C3orf70: variants seen among roughly 807,000 people sequenced by gnomAD.
C3orf70 encodes the protein UPF0524 protein C3orf70.
In C3orf70, 15 loss-of-function variants were observed where a neutral mutation model predicts 20.7. The observed-to-expected ratio is 0.72, with a 90% CI of 0.48 to 1.11. C3orf70 has a LOEUF of 1.11. Among genes scored for constraint, C3orf70 ranks in the 50% most tolerant of loss-of-function variants. C3orf70 has a pLI of 0.00. For synonymous variants in C3orf70, 161 were observed against 125.7 expected (o/e 1.28, Z -1.88); for missense variants, 332 against 317.6 (o/e 1.05, Z -0.34).
In C3orf70 at chr3:185,076,913, C is replaced by T. The variant is rs1364800511; in HGVS notation, c.*6094G>A. Among the ~76,000 whole-genome samples, 3 of 152,144 alleles carry T rather than the reference C, an allele frequency of 2.0e-5. No homozygotes were observed. The highest frequency in any genetic ancestry group is 4.4e-5 in the Non-Finnish European group (3 of 68,034). On this transcript the variant is annotated 3_prime_UTR_variant, in exon 2 of 2. Transcript: ENST00000335012. ...ATTTGTAAGAGGCTACAATGAGATG[C>T]CTTCTAGGACTTGGCAATACAATTA...
At chr3:185,110,981 CTG>C (rs1170810747) in intron 1 of C3orf70, among the ~76,000 whole-genome samples, 1 of 152,164 alleles carries the variant, frequency 6.6e-6, no homozygotes, top group East Asian at 1.9e-4. Context: ...CTCTATATTT[CTG>C]TGTGTGTGTC....
Position 185,078,596 on chromosome 3 carries a change from TCCTCCTCA to T in C3orf70, c.*4403_*4410del, listed in dbSNP as rs1291189022. Reference sequence around the variant, plus strand: ...TCCCACTGGCTTCCCCCTTCTTCCCTCCTCCTCAGTGGGAGAGGACAAAATCGTACTAC... The same window carrying T: ...TCCCACTGGCTTCCCCCTTCTTCCCTGTGGGAGAGGACAAAATCGTACTAC... On this transcript the variant is annotated 3_prime_UTR_variant, in exon 2 of 2. Transcript: ENST00000335012. 4 of 152,192 alleles carry T rather than the reference TCCTCCTCA, an allele frequency of 2.6e-5. No homozygotes were observed. Among genetic ancestry groups the T allele is most frequent in the Non-Finnish European group, 5.9e-5 (4 of 68,030 alleles). 9.4% of individuals were successfully genotyped at this position (152,192 alleles called of 1,614,324 possible).
intron 1 of C3orf70, among the ~76,000 whole-genome samples, chr3:185,111,405 A>G (rs1334316498): frequency 1.3e-5 from 2 of 152,246 alleles, no homozygotes; most frequent in African/African-American, 4.8e-5. Context: ...AAGACAATCT[A>G]ATTTTAAAAT....
chr3:185,111,176 T>C (rs554497637), intron 1 of C3orf70, among the ~76,000 whole-genome samples: 1 of 152,294 alleles, frequency 6.6e-6, no homozygotes, highest in South Asian at 2.1e-4. Context: ...TAGGAATAAA[T>C]CTTTATGATC....
At chr3:185,097,168 T>C (rs1210810526) in intron 1 of C3orf70, among the ~76,000 whole-genome samples, 1 of 152,208 alleles carries the variant, frequency 6.6e-6, no homozygotes, top group East Asian at 1.9e-4. Context: ...ACAGTAGTAA[T>C]TTTGATTGTC....
At chr3:185,137,883 G>T (rs1010142404) in intron 1 of C3orf70, among the ~76,000 whole-genome samples, 1 of 152,054 alleles carries the variant, frequency 6.6e-6, no homozygotes, top group Non-Finnish European at 1.5e-5. Context: ...AAAGAAGAGC[G>T]TAATAAAGAT....
intron 1 of C3orf70, among the ~76,000 whole-genome samples, chr3:185,110,572 A>G (rs1002292834): frequency 2.6e-5 from 4 of 151,692 alleles, no homozygotes; most frequent in African/African-American, 9.8e-5. Flanking sequence ...CTGGCCATAA[A>G]CTGGCCCCAA....
intron 1 of C3orf70, among the ~76,000 whole-genome samples, chr3:185,085,732 T>C (rs1715445634): frequency 6.6e-6 from 1 of 152,218 alleles, no homozygotes; most frequent in African/African-American, 2.4e-5. Context: ...TGGTAGGACC[T>C]CTGCCCCTAA....
intron 1 of C3orf70, among the ~76,000 whole-genome samples, chr3:185,122,770 A>G (rs1716329117): frequency 6.6e-6 from 1 of 152,056 alleles, no homozygotes; most frequent in African/African-American, 2.4e-5. Flanking sequence ...GCATCATCCA[A>G]CTGGCTGAGG....
chr3:185,147,943 A>G (rs1441942779), intron 1 of C3orf70, among the ~76,000 whole-genome samples: 2 of 152,190 alleles, frequency 1.3e-5, no homozygotes, highest in East Asian at 3.8e-4. Context: ...TTTCATCTTC[A>G]TACTCTTTCT....
At chr3:185,101,340 A>G (rs1715820113) in intron 1 of C3orf70, among the ~76,000 whole-genome samples, 1 of 152,222 alleles carries the variant, frequency 6.6e-6, no homozygotes, top group Non-Finnish European at 1.5e-5. Context: ...ACCACGATCA[A>G]GTAGGCTTTG....
At position 185,106,296 on chromosome 3, in the gene C3orf70, G is replaced by GATT. The variant is rs538476282; in HGVS notation, c.197-22736_197-22734dup. 3.9e-5 allele frequency among the ~76,000 whole-genome samples: 6 copies of GATT among 152,292 alleles called. No homozygotes were observed. The South Asian group carries it at 1.2e-3, about 32-fold the overall frequency. ...TAAATTCAGGAAAGCACATTTAGTT[G>GATT]ATTACATCAAGGCCTGTGATGGTAT... On this transcript the variant is annotated intron_variant, in intron 1 of 1. Coordinates refer to ENST00000335012, the MANE Select transcript of C3orf70 (RefSeq NM_001025266.3).
At chr3:185,114,116 T>C (rs946383192) in intron 1 of C3orf70, among the ~76,000 whole-genome samples, 6 of 152,116 alleles carry the variant, frequency 3.9e-5, no homozygotes, top group Non-Finnish European at 8.8e-5. Flanking sequence ...GGAGAATTGC[T>C]TGAACCTAGG....
At chr3:185,106,321 T>C (rs950866499) in intron 1 of C3orf70, among the ~76,000 whole-genome samples, 1 of 152,128 alleles carries the variant, frequency 6.6e-6, no homozygotes, top group African/African-American at 2.4e-5. Flanking sequence ...TGTGATGGTA[T>C]TGGAGGTAAT....
At chr3:185,111,451 TG>T (rs1716071371) in intron 1 of C3orf70, among the ~76,000 whole-genome samples, 1 of 152,196 alleles carries the variant, frequency 6.6e-6, no homozygotes. Flanking sequence ...TCTTTAAAGA[TG>T]GTCAATAAGC....
At chr3:185,136,923 AC>A (rs1553921754) in intron 1 of C3orf70, among the ~76,000 whole-genome samples, 1 of 52,582 alleles carries the variant, frequency 1.9e-5, no homozygotes, top group Non-Finnish European at 7.6e-5. Flanking sequence ...AACAACAACA[AC>A]AACAACAACA....
In C3orf70 at chr3:185,080,433, C is replaced by T. The variant is rs1394237554; in HGVS notation, c.*2574G>A. The T allele has an allele frequency of 2.0e-5, 3 of 152,688 alleles. No individual in the cohort carries two copies. The highest frequency in any genetic ancestry group is 4.8e-5 in the African/African-American group (2 of 41,458). 9.5% of individuals were successfully genotyped at this position (152,688 alleles called of 1,614,324 possible). A position where few individuals can be genotyped will look rare whatever the true frequency, so the allele number is the denominator to read the frequency against. On this transcript the variant is annotated 3_prime_UTR_variant, in exon 2 of 2. Transcript: ENST00000335012. ...CTGCAGAAATGTGGCCCCGTGACCA[C>T]GTATATCCATGGCTTTAGAAATCTG... is the stretch of plus-strand genomic sequence containing the variant.
At chr3:185,105,903 CT>C (rs1715926636) in intron 1 of C3orf70, among the ~76,000 whole-genome samples, 3 of 152,226 alleles carry the variant, frequency 2.0e-5, no homozygotes, top group Admixed American at 1.3e-4. Context: ...CACCTTGGAA[CT>C]TTTTCACACT....
chr3:185,082,674 C>T lies in C3orf70; in HGVS notation c.*333G>A, dbSNP rs1028379808. ...GAGAAAACACCGGCTCCTTCCCTTT[C>T]GGTACCTCCTCAATCTGATCCAAGA... On this transcript the variant is annotated 3_prime_UTR_variant, in exon 2 of 2. Coordinates refer to ENST00000335012, the MANE Select transcript of C3orf70 (RefSeq NM_001025266.3). The T allele has an allele frequency of 8.3e-6, 2 of 242,212 alleles. No individual in the cohort carries two copies. The highest frequency in any genetic ancestry group is 1.6e-5 in the Non-Finnish European group (2 of 125,444). The allele number at this position is 242,212 out of a possible 1,614,324, so 15.0% of individuals were successfully genotyped here. A position where few individuals can be genotyped will look rare whatever the true frequency, so the allele number is the denominator to read the frequency against.
Sources: gnomAD v4.1 joint callset for allele counts (sites outside exome capture counted in the v4.1 genomes callset) on GRCh38, gnomAD v4.1.1 for gene constraint, MANE v1.5 for transcripts, NCBI Gene and HGNC (gene_info 2026-07-23, HGNC 2026-07-21) for gene names.